The following HMSD variants were observed in gnomAD, a reference collection of about 807,000 sequenced individuals.
The protein encoded by HMSD is serpin-like protein HMSD.
A neutral mutation model predicts 10.0 loss-of-function variants in HMSD; 13 were observed. The observed-to-expected ratio is 1.31, with a 90% CI of 0.85 to 2.08. The LOEUF (loss-of-function observed/expected upper bound fraction) is 2.08. Ranked by LOEUF, HMSD falls within the 30% of genes most tolerant of loss-of-function variation. The pLI is 0.00. For missense variants in HMSD, 169 were observed against 166.3 expected (o/e 1.02, Z -0.09); for synonymous variants, 51 against 54.2 (o/e 0.94, Z 0.26).
chr18:63,958,296 C>T (rs2050369559), intron 3 of HMSD, among the ~76,000 whole-genome samples: 1 of 152,100 alleles, frequency 6.6e-6, no homozygotes, highest in Non-Finnish European at 1.5e-5. Flanking sequence ...ACAGAGGAAG[C>T]AAATATTTGA....
At chr18:63,963,114 TTTCTTTCTTTC>T (rs1486417681), downstream of HMSD, among the ~76,000 whole-genome samples, 81 of 137,352 alleles carry the variant, frequency 5.9e-4, no homozygotes, top group Non-Finnish European at 5.5e-4. Context: ...TCTTTCTTTC[TTTCTTTCTTTC>T]TTTCTTTCCT....
intron 3 of HMSD, among the ~76,000 whole-genome samples, chr18:63,957,290 C>T (rs1055329734): frequency 7.0e-6 from 1 of 142,042 alleles, no homozygotes; most frequent in African/African-American, 2.8e-5. Flanking sequence ...AGGGTTAATA[C>T]AAAACAAGAG....
At chr18:63,953,826 C>T (rs1390337922) in intron 2 of HMSD, among the ~76,000 whole-genome samples, 1 of 152,206 alleles carries the variant, frequency 6.6e-6, no homozygotes, top group African/African-American at 2.4e-5. Flanking sequence ...TCCCTAAAAG[C>T]AAGTCTTTCC....
At chr18:63,963,133 C>CTTTTT (rs748638278), downstream of HMSD, among the ~76,000 whole-genome samples, 8 of 108,376 alleles carry the variant, frequency 7.4e-5, 1 homozygote, top group Admixed American at 9.9e-5. Context: ...TTCTTTCTTT[C>CTTTTT]CTTTCTTTCT....
At chr18:63,968,962 C>A (rs1304117747) in intron 3 of HMSD, among the ~76,000 whole-genome samples, 1 of 152,194 alleles carries the variant, frequency 6.6e-6, no homozygotes, top group Non-Finnish European at 1.5e-5. Flanking sequence ...CAAAATACTG[C>A]TGCTGGGTTC....
chr18:63,951,255 A>G (rs1382437122), intron 1 of HMSD, among the ~76,000 whole-genome samples: 1 of 152,264 alleles, frequency 6.6e-6, no homozygotes, highest in African/African-American at 2.4e-5. Flanking sequence ...TTAAATGTTT[A>G]AAATAACGTA....
intron 3 of HMSD, among the ~76,000 whole-genome samples, chr18:63,958,884 G>T (rs9962574): frequency 0.38 from 57,560 of 151,944 alleles, 13,234 homozygotes; most frequent in African/African-American, 0.65. Context: ...CATATTTATA[G>T]TCTGTTGTTC....
At chr18:63,949,909 GTA>G (rs10571838) in intron 1 of HMSD, among the ~76,000 whole-genome samples, 11,341 of 152,188 alleles carry the variant, frequency 0.075, 503 homozygotes, top group African/African-American at 0.11. Context: ...GGCGTTGATA[GTA>G]TGTTTTTGGA....
chr18:63,964,935 A>T (rs1419723181), downstream of HMSD, among the ~76,000 whole-genome samples: 4 of 152,174 alleles, frequency 2.6e-5, no homozygotes, highest in Admixed American at 2.6e-4. Flanking sequence ...ACCCCAAGAC[A>T]TGAAGTGACA....
intron 3 of HMSD, among the ~76,000 whole-genome samples, chr18:63,957,816 AT>A (rs1282165684): frequency 6.6e-6 from 1 of 152,216 alleles, no homozygotes; most frequent in African/African-American, 2.4e-5. Context: ...GATGAGAAAT[AT>A]TTGTAAACCA....
intron 3 of HMSD, among the ~76,000 whole-genome samples, chr18:63,959,731 G>A (rs2050376340): frequency 1.3e-5 from 2 of 152,106 alleles, no homozygotes; most frequent in African/African-American, 4.8e-5. Context: ...TCCTGATAGA[G>A]GGATATTGAA....
chr18:63,967,074 G>A (rs1599116068), intron 3 of HMSD, among the ~76,000 whole-genome samples: 1 of 152,316 alleles, frequency 6.6e-6, no homozygotes, highest in East Asian at 1.9e-4. Context: ...CATATATGAA[G>A]TAACTTTTGC....
intron 3 of HMSD, among the ~76,000 whole-genome samples, chr18:63,957,311 AAAAAAAAAT>A (rs1022562977): frequency 3.9e-5 from 6 of 152,154 alleles, no homozygotes; most frequent in African/African-American, 1.4e-4. Flanking sequence ...AAGCAACAAA[AAAAAAAAAT>A]AAAAACTTTT....
rs1256626422 is a variant in HMSD, at chr18:63,949,340, C to G, written c.-163C>G. The G allele has an allele frequency of 6.6e-6, 1 of 152,342 alleles. No individual in the cohort carries two copies. Among genetic ancestry groups the G allele is most frequent in the Non-Finnish European group, 1.5e-5 (1 of 68,148 alleles). 9.4% of individuals were successfully genotyped at this position (152,342 alleles called of 1,614,324 possible). ...AACACCCGGCGCCGCTCAGACATCTCTATTCCCGCCTCTCCGACCCGGTCT... is the reference window on the plus strand; with the variant it reads ...AACACCCGGCGCCGCTCAGACATCTGTATTCCCGCCTCTCCGACCCGGTCT... On this transcript the variant is annotated 5_prime_UTR_variant, in exon 1 of 4. Transcript: ENST00000408945.
intron 3 of HMSD, among the ~76,000 whole-genome samples, chr18:63,959,859 T>C (rs988020145): frequency 1.3e-5 from 2 of 152,228 alleles, no homozygotes; most frequent in African/African-American, 4.8e-5. Context: ...CTATGTCTTC[T>C]TGGAGATTTC....
At chr18:63,962,669 T>C (rs555817444), downstream of HMSD, among the ~76,000 whole-genome samples, 26 of 152,248 alleles carry the variant, frequency 1.7e-4, 1 homozygote, top group Admixed American at 2.6e-4. Flanking sequence ...ACTCTAAGGC[T>C]CTTGCATCCC....
chr18:63,960,466 T>C lies in HMSD; in HGVS notation c.*111T>C. 1.4e-6 allele frequency: 2 copies of C among 1,397,142 alleles called. No individual in the cohort carries two copies. The highest frequency in any genetic ancestry group is 3.1e-5 in the Admixed American group (1 of 32,540). 86.5% of individuals were successfully genotyped at this position (1,397,142 alleles called of 1,614,324 possible). A position where few individuals can be genotyped will look rare whatever the true frequency, so the allele number is the denominator to read the frequency against. ...GCTTTAGCTTTTCCCTTATCAAGTATCTGTGATGTCTCTCTAGATGAAATA... is the reference window on the plus strand; with the variant it reads ...GCTTTAGCTTTTCCCTTATCAAGTACCTGTGATGTCTCTCTAGATGAAATA... On this transcript the variant is annotated 3_prime_UTR_variant, in exon 4 of 4. Coordinates refer to ENST00000408945, the MANE Select transcript of HMSD (RefSeq NM_001123366.2).
chr18:63,958,723 C>A (rs2050371609), intron 3 of HMSD, among the ~76,000 whole-genome samples: 1 of 152,116 alleles, frequency 6.6e-6, no homozygotes, highest in Non-Finnish European at 1.5e-5. Context: ...GTCCAACTAG[C>A]TATTAATATA....
intron 3 of HMSD, among the ~76,000 whole-genome samples, chr18:63,958,818 A>T (rs1419767805): frequency 6.6e-6 from 1 of 152,052 alleles, no homozygotes; most frequent in Non-Finnish European, 1.5e-5. Context: ...GTTCCGATGG[A>T]CACTGCTGGT....
Sources: gnomAD v4.1 joint callset for allele counts (sites outside exome capture counted in the v4.1 genomes callset) on GRCh38, gnomAD v4.1.1 for gene constraint, MANE v1.5 for transcripts, NCBI Gene and HGNC (gene_info 2026-07-23, HGNC 2026-07-21) for gene names.